The following CLEC16A variants were observed in gnomAD, a reference collection of about 807,000 sequenced individuals.
CLEC16A encodes the protein C-type lectin domain containing 16A.
In CLEC16A, 51 loss-of-function variants were observed where a neutral mutation model predicts 109.5. The ratio of observed to expected loss-of-function variants is 0.47; its 90% CI spans 0.37 to 0.59. CLEC16A has a LOEUF of 0.59. CLEC16A is among the 20% of genes least tolerant of loss of function. The pLI, the probability that CLEC16A is intolerant of heterozygous loss-of-function variation, is 0.00. For synonymous variants in CLEC16A, 673 were observed against 564.2 expected, an observed-to-expected ratio of 1.19 and a Z score of -2.73; for missense variants, 1,339 against 1,394.0, an observed-to-expected ratio of 0.96 and a Z score of 0.63.
chr16:10,958,457 C>T (rs563352125), intron 2 of CLEC16A, among the ~76,000 whole-genome samples: 2 of 152,144 alleles, frequency 1.3e-5, no homozygotes, highest in African/African-American at 2.4e-5. Context: ...TCACCACTTC[C>T]TAGGTGAGCA....
chr16:10,998,047 C>CA (rs2044433605), intron 10 of CLEC16A, among the ~76,000 whole-genome samples: 2 of 152,196 alleles, frequency 1.3e-5, no homozygotes, highest in African/African-American at 4.8e-5. Context: ...TCCTCCCTCC[C>CA]ATCCCATTGC....
At chr16:11,008,909 G>C (rs2045220585) in intron 11 of CLEC16A, among the ~76,000 whole-genome samples, 1 of 151,798 alleles carries the variant, frequency 6.6e-6, no homozygotes, top group South Asian at 2.1e-4. Flanking sequence ...TGAGGCAGGA[G>C]AATGGCGTGA....
At chr16:11,090,046 CGTT>C (rs576697352) in intron 19 of CLEC16A, among the ~76,000 whole-genome samples, 16 of 152,220 alleles carry the variant, frequency 1.1e-4, no homozygotes, top group African/African-American at 2.2e-4. Context: ...TCTGCTTGGT[CGTT>C]GTTTATTTTA....
chr16:10,962,649 G>A, intron 3 of CLEC16A, 61 bp downstream of exon 3: 1 of 1,588,946 alleles, frequency 6.3e-7, no homozygotes, highest in Non-Finnish European at 8.6e-7. Flanking sequence ...GTGAAGTTGG[G>A]CGTGGTTTTC....
At chr16:11,099,084 C>T (rs905818915) in intron 19 of CLEC16A, among the ~76,000 whole-genome samples, 1 of 146,122 alleles carries the variant, frequency 6.8e-6, no homozygotes, top group Non-Finnish European at 1.5e-5. Context: ...GCATGGGAGT[C>T]ATAACCCCCA....
At chr16:11,035,489 C>G (rs530869080) in intron 13 of CLEC16A, among the ~76,000 whole-genome samples, 3 of 150,422 alleles carry the variant, frequency 2.0e-5, no homozygotes, top group Admixed American at 2.0e-4. Context: ...CAGCGGGGAT[C>G]ATGGTACACG....
At chr16:10,945,911 G>A (rs1190513223) in intron 1 of CLEC16A, among the ~76,000 whole-genome samples, 1 of 152,190 alleles carries the variant, frequency 6.6e-6, no homozygotes, top group Non-Finnish European at 1.5e-5. Context: ...CGAGGGCACA[G>A]ACTGCTTGGT....
Position 10,950,879 on chromosome 16 carries a change from C to A in CLEC16A, c.80+6082C>A, listed in dbSNP as rs531632694. Reference sequence around the variant, plus strand: ...CATTCTGCTTATCCTTTCTCATGCCCCACCTTGCAAATGTACATTTCAAAA... The same window carrying A: ...CATTCTGCTTATCCTTTCTCATGCCACACCTTGCAAATGTACATTTCAAAA... On this transcript the variant is annotated intron_variant, in intron 1 of 23. Coordinates refer to ENST00000409790, the MANE Select transcript of CLEC16A (RefSeq NM_015226.3). 2.0e-5 allele frequency among the ~76,000 whole-genome samples: 3 copies of A among 152,284 alleles called. No individual in the cohort carries two copies. In the South Asian group the frequency reaches 6.2e-4, roughly 32 times the overall value.
intron 10 of CLEC16A, among the ~76,000 whole-genome samples, chr16:10,996,005 C>T (rs1160812757): frequency 3.3e-5 from 5 of 152,116 alleles, no homozygotes; most frequent in East Asian, 1.9e-4. Flanking sequence ...CCTTCCTTTA[C>T]CTGATGCCTC....
At chr16:11,128,407 C>T (rs570195039) in intron 22 of CLEC16A, among the ~76,000 whole-genome samples, 5 of 152,310 alleles carry the variant, frequency 3.3e-5, no homozygotes, top group Middle Eastern at 6.8e-3. Flanking sequence ...GCTGGGATGC[C>T]CCATGTCCTG....
At chr16:10,947,974 A>G (rs1002639655) in intron 1 of CLEC16A, among the ~76,000 whole-genome samples, 52 of 152,024 alleles carry the variant, frequency 3.4e-4, no homozygotes, top group Non-Finnish European at 6.6e-4. Flanking sequence ...GCTCACTGCA[A>G]GCTCCGCCTC....
intron 3 of CLEC16A, among the ~76,000 whole-genome samples, chr16:10,967,749 G>A (rs761657286): frequency 6.6e-5 from 10 of 152,168 alleles, no homozygotes; most frequent in East Asian, 5.8e-4. Context: ...AAACTGGGGC[G>A]TGGGGAGGGT....
intron 13 of CLEC16A, chr16:11,036,081 T>C (rs745918879): frequency 2.6e-5 from 4 of 152,618 alleles, no homozygotes; most frequent in African/African-American, 4.8e-5. Context: ...ATGGACTGCA[T>C]GGCACTAGCA....
intron 22 of CLEC16A, among the ~76,000 whole-genome samples, chr16:11,147,133 C>T (rs569374599): frequency 4.6e-4 from 70 of 151,970 alleles, no homozygotes; most frequent in African/African-American, 1.6e-3. Context: ...TGTCTCAGCC[C>T]ACAGGCTGCC....
chr16:11,008,218 C>A (rs557929722), intron 11 of CLEC16A, among the ~76,000 whole-genome samples: 1 of 152,292 alleles, frequency 6.6e-6, no homozygotes, highest in African/African-American at 2.4e-5. Context: ...TTATTCCCCT[C>A]TTGCCATCTT....
At chr16:10,979,760 G>A (rs542401280) in intron 9 of CLEC16A, among the ~76,000 whole-genome samples, 38 of 152,232 alleles carry the variant, frequency 2.5e-4, no homozygotes, top group African/African-American at 6.7e-4. Context: ...AACCCACAGC[G>A]TGCATACACA....
chr16:11,004,690 A>G (rs913675208), intron 11 of CLEC16A, among the ~76,000 whole-genome samples: 1 of 152,086 alleles, frequency 6.6e-6, no homozygotes. Context: ...TTGCTCCATC[A>G]TGACTTTCTT....
intron 22 of CLEC16A, among the ~76,000 whole-genome samples, chr16:11,155,230 T>G (rs558972433): frequency 6.6e-6 from 1 of 152,122 alleles, no homozygotes; most frequent in Non-Finnish European, 1.5e-5. Context: ...CCTGAACATT[T>G]AGATTGCGTT....
chr16:10,968,805 C>T (rs1353136158), intron 3 of CLEC16A, among the ~76,000 whole-genome samples: 1 of 152,296 alleles, frequency 6.6e-6, no homozygotes, highest in Non-Finnish European at 1.5e-5. Flanking sequence ...GCTTTTTACC[C>T]TCATTCATGG....
Sources: gnomAD v4.1 joint callset for allele counts (sites outside exome capture counted in the v4.1 genomes callset) on GRCh38, gnomAD v4.1.1 for gene constraint, MANE v1.5 for transcripts, NCBI Gene and HGNC (gene_info 2026-07-23, HGNC 2026-07-21) for gene names.